The following NIPSNAP3B variants were observed in gnomAD, a reference collection of about 807,000 sequenced individuals.
The protein encoded by NIPSNAP3B is protein NipSnap homolog 3B.
NIPSNAP3B carries 30 observed loss-of-function variants against 31.5 expected under a neutral mutation model. That is an observed-to-expected ratio of 0.95 (90% CI 0.71 to 1.29). The LOEUF (loss-of-function observed/expected upper bound fraction) is 1.29, where lower values mean the gene tolerates loss of function less well. Among genes scored for constraint, NIPSNAP3B ranks in the 50% most tolerant of loss-of-function variants. The pLI, the probability that NIPSNAP3B is intolerant of heterozygous loss-of-function variation, is 0.00. For synonymous variants in NIPSNAP3B, 106 were observed against 107.9 expected (o/e 0.98, Z 0.11); for missense variants, 269 against 300.7 (o/e 0.89, Z 0.78).
chr9:104,777,600 T>C lies in NIPSNAP3B; in HGVS notation c.*4527T>C, dbSNP rs1027078885. On this transcript the variant is annotated 3_prime_UTR_variant, in exon 6 of 6. Transcript: ENST00000374762. ...CTGCCTTGAAAGGGCAAGTCCGTGGTGGTCATGAACCACCCAGAGTGTGTA... is the reference window on the plus strand; with the variant it reads ...CTGCCTTGAAAGGGCAAGTCCGTGGCGGTCATGAACCACCCAGAGTGTGTA... 6.6e-6 allele frequency: 1 copy of C among 152,254 alleles called. No individual in the cohort carries two copies. Among genetic ancestry groups the C allele is most frequent in the African/African-American group, 2.4e-5 (1 of 41,470 alleles). The allele number at this position is 152,254 out of a possible 1,614,324, so 9.4% of individuals were successfully genotyped here. A position where few individuals can be genotyped will look rare whatever the true frequency, so the allele number is the denominator to read the frequency against.
Position 104,764,245 on chromosome 9 carries a change from T to G in NIPSNAP3B, c.5T>G (p.Leu2Arg), listed in dbSNP as rs1250053849. Residue 2 changes from leucine to arginine, a missense_variant, in exon 1 of 6, where the codon CTC becomes CGC. Coordinates refer to ENST00000374762, the MANE Select transcript of NIPSNAP3B (RefSeq NM_018376.4). ...TCTCAGTGCCGAAGCCGCGCCATGC[T>G]CGTTCTCAGAAGCGGCCTGACCAAG... M[L>R]VLRSGLTKAL... is the part of the protein sequence containing the mutation. The G allele has an allele frequency of 6.2e-7, 1 of 1,601,926 alleles. No individual in the cohort carries two copies. The highest frequency in any genetic ancestry group is 1.3e-5 in the African/African-American group (1 of 74,716).
At chr9:104,787,918 A>G in the NIPSNAP3B span, 1 of 1,613,914 alleles carries the variant, frequency 6.2e-7, no homozygotes, top group Non-Finnish European at 8.5e-7. Flanking sequence ...AGTTATACTC[A>G]CCAGAAACAC....
At chr9:104,783,532 G>A in the NIPSNAP3B span, 2 of 152,182 alleles carry the variant, frequency 1.3e-5, no homozygotes, top group African/African-American at 4.8e-5. Flanking sequence ...CAGGATCTAA[G>A]TATATTTAAG....
At chr9:104,764,633 G>A (rs955789481) in intron 1 of NIPSNAP3B, among the ~76,000 whole-genome samples, 2 of 152,182 alleles carry the variant, frequency 1.3e-5, no homozygotes, top group African/African-American at 4.8e-5. Flanking sequence ...TCCGCCTCCC[G>A]GGTTCAAGCG....
the NIPSNAP3B span, chr9:104,787,855 C>T: frequency 6.2e-7 from 1 of 1,613,762 alleles, no homozygotes; most frequent in Non-Finnish European, 8.5e-7. Flanking sequence ...ACATATAGGA[C>T]TTTTGAACAG....
At chr9:104,788,003 A>G in the NIPSNAP3B span, 1 of 1,614,048 alleles carries the variant, frequency 6.2e-7, no homozygotes, top group Non-Finnish European at 8.5e-7. Flanking sequence ...TTACCAGCAT[A>G]TTTTTCTCCA....
At chr9:104,788,555 G>A in the NIPSNAP3B span, 1 of 1,614,164 alleles carries the variant, frequency 6.2e-7, no homozygotes, top group Non-Finnish European at 8.5e-7. Flanking sequence ...CTTCATGGAT[G>A]TTTGATAAGA....
chr9:104,790,092 G>A, the NIPSNAP3B span, among the ~76,000 whole-genome samples: 12 of 136,326 alleles, frequency 8.8e-5, no homozygotes, highest in East Asian at 4.7e-4. Flanking sequence ...GTGAAACTCC[G>A]TCTCAAAAAA....
the NIPSNAP3B span, chr9:104,788,479 G>A: frequency 1.2e-6 from 2 of 1,614,176 alleles, no homozygotes; most frequent in South Asian, 1.1e-5. Context: ...AACTCCACGT[G>A]TTCTCTCCCA....
the NIPSNAP3B span, among the ~76,000 whole-genome samples, chr9:104,788,229 CT>C: frequency 1.3e-5 from 2 of 152,194 alleles, no homozygotes; most frequent in Non-Finnish European, 2.9e-5. Flanking sequence ...GGGAGCAGCA[CT>C]CCCTCTCTGC....
the NIPSNAP3B span, among the ~76,000 whole-genome samples, chr9:104,790,755 A>G: frequency 6.6e-6 from 1 of 152,342 alleles, no homozygotes; most frequent in Middle Eastern, 3.4e-3. Context: ...GATTATCTCT[A>G]GATATTGAAA....
the NIPSNAP3B span, chr9:104,786,495 G>T: frequency 2.0e-6 from 2 of 1,009,190 alleles, no homozygotes; most frequent in Non-Finnish European, 3.1e-6. Flanking sequence ...ATTGTATTCT[G>T]TTACAAGTAC....
At position 104,776,477 on chromosome 9, in the gene NIPSNAP3B, G is replaced by T. The variant is rs1381456565; in HGVS notation, c.*3404G>T. Among the ~76,000 whole-genome samples the T allele has an allele frequency of 6.6e-6, 1 of 152,174 alleles. No homozygotes were observed. The highest frequency in any genetic ancestry group is 1.5e-5 in the Non-Finnish European group (1 of 68,036). On this transcript the variant is annotated 3_prime_UTR_variant, in exon 6 of 6. Coordinates refer to ENST00000374762, the MANE Select transcript of NIPSNAP3B (RefSeq NM_018376.4). ...GTGAGTTAGTTTTAGATGAGGTCAT[G>T]TGGGTAATAGAATTAGTGCATTTAT...
the NIPSNAP3B span, among the ~76,000 whole-genome samples, chr9:104,784,992 C>T: frequency 0.011 from 1,601 of 152,218 alleles, 22 homozygotes; most frequent in Non-Finnish European, 0.013. Flanking sequence ...ACCAACTGCT[C>T]AGTCATCCAT....
intron 3 of NIPSNAP3B, 92 bp downstream of exon 3, chr9:104,769,113 T>C: frequency 3.4e-6 from 3 of 888,294 alleles, no homozygotes; most frequent in Non-Finnish European, 4.9e-6. Flanking sequence ...GAAAAAAATA[T>C]ATAATTCTTT....
chr9:104,786,229 T>C, the NIPSNAP3B span: 1 of 1,287,854 alleles, frequency 7.8e-7, no homozygotes, highest in Admixed American at 1.7e-5. Context: ...GCACCATTTA[T>C]ATACTCACAA....
chr9:104,784,203 GT>G, the NIPSNAP3B span: 45 of 1,385,802 alleles, frequency 3.2e-5, no homozygotes, highest in Non-Finnish European at 4.6e-5. Context: ...ACAGTATCCA[GT>G]TTACTTCTTC....
chr9:104,765,635 G>A (rs2487714), intron 1 of NIPSNAP3B, among the ~76,000 whole-genome samples: 62,254 of 152,056 alleles, frequency 0.41, 14,492 homozygotes, highest in Non-Finnish European at 0.53. Context: ...TATTGCATCT[G>A]TAATTAGAAA....
the NIPSNAP3B span, chr9:104,786,421 T>C: frequency 1.3e-6 from 2 of 1,583,214 alleles, no homozygotes; most frequent in South Asian, 2.2e-5. Context: ...GTTTTAGTTT[T>C]AGAGAGATTC....
Sources: gnomAD v4.1 joint callset for allele counts (sites outside exome capture counted in the v4.1 genomes callset) on GRCh38, gnomAD v4.1.1 for gene constraint, MANE v1.5 for transcripts, NCBI Gene and HGNC (gene_info 2026-07-23, HGNC 2026-07-21) for gene names.